The following SLC24A4 variants were observed in gnomAD, a reference collection of about 807,000 sequenced individuals.
SLC24A4 encodes the protein sodium/potassium/calcium exchanger 4.
Under a neutral mutation model 79.0 loss-of-function variants are expected in SLC24A4, and 53 were observed. The ratio of observed to expected loss-of-function variants is 0.67; its 90% confidence interval spans 0.54 to 0.84. The LOEUF (loss-of-function observed/expected upper bound fraction) is 0.84. SLC24A4 is among the 40% of genes least tolerant of loss of function. SLC24A4 has a pLI of 0.00. For synonymous variants in SLC24A4, 323 were observed against 323.8 expected (o/e 1.00, Z 0.03); for missense variants, 731 against 822.0 (o/e 0.89, Z 1.35).
chr14:92,352,072 C>A (rs1886927370), intron 2 of SLC24A4, among the ~76,000 whole-genome samples: 1 of 151,990 alleles, frequency 6.6e-6, no homozygotes, highest in South Asian at 2.1e-4. Context: ...CCATTTGAGC[C>A]CCTGCTGTTC....
chr14:92,441,302 A>G lies in SLC24A4; in HGVS notation c.394-787A>G, dbSNP rs1892476235. ...CTCCACGGTTTCTCCAAACATCCAA[A>G]GCCTCCAGCGCTGCATTTCGGATCA... is the stretch of plus-strand genomic sequence containing the variant. On this transcript the variant is annotated intron_variant, in intron 4 of 16. Coordinates refer to ENST00000532405, the MANE Select transcript of SLC24A4 (RefSeq NM_153646.4). This position sits in a 1 kb window ranked among gnomAD's most constrained non-coding sequence, Gnocchi z 4.6. Among the ~76,000 whole-genome samples, 1 of 152,160 alleles carries G rather than the reference A, an allele frequency of 6.6e-6. No individual in the cohort carries two copies. Among genetic ancestry groups the G allele is most frequent in the Admixed American group, 6.5e-5 (1 of 15,276 alleles).
At chr14:92,410,414 A>G (rs1205190586) in intron 2 of SLC24A4, among the ~76,000 whole-genome samples, 1 of 152,206 alleles carries the variant, frequency 6.6e-6, no homozygotes. Flanking sequence ...TTCTGGCTTC[A>G]GGCGATCCTC....
At chr14:92,489,204 G>A (rs962949868) in intron 14 of SLC24A4, among the ~76,000 whole-genome samples, 10 of 152,180 alleles carry the variant, frequency 6.6e-5, no homozygotes, top group Non-Finnish European at 1.3e-4. Flanking sequence ...TTGGGAGGTC[G>A]AGGTGGGCGG....
chr14:92,457,904 C>A (rs1893573723), intron 12 of SLC24A4, among the ~76,000 whole-genome samples: 1 of 152,240 alleles, frequency 6.6e-6, no homozygotes. Context: ...CTTGTCCCAT[C>A]TTGATGGGAA....
intron 2 of SLC24A4, among the ~76,000 whole-genome samples, chr14:92,378,446 T>G (rs185709823): frequency 2.8e-4 from 42 of 152,300 alleles, no homozygotes; most frequent in Non-Finnish European, 4.4e-4. Flanking sequence ...TTTCTGTTGT[T>G]GTCTCTTGTG....
rs753674653 is a variant in SLC24A4 at position 92,325,943 on chromosome 14, A to G, written c.206A>G (p.Asn69Ser). The G allele has an allele frequency of 7.4e-6, 12 of 1,612,838 alleles. No individual in the cohort carries two copies. The highest frequency in any genetic ancestry group is 1.0e-5 in the Non-Finnish European group (12 of 1,179,338). Residue 69 changes from asparagine (N) to serine (S), a missense_variant, in exon 2 of 17, where the codon AAT becomes AGT. Asn to Ser is a conservative substitution (Grantham distance 46). Transcript: ENST00000532405. ...AATAGAAAGTTGATGGCCCCAGTGA[A>G]TGGGACACAGACAGCCAAGAACTGC... ...WRNRKLMAPV[N>S]GTQTAKNCTD... is the part of the protein sequence containing the mutation.
At chr14:92,326,975 G>A (rs1349256669) in intron 2 of SLC24A4, among the ~76,000 whole-genome samples, 1 of 152,154 alleles carries the variant, frequency 6.6e-6, no homozygotes, top group East Asian at 1.9e-4. Context: ...GAGCAGGGTT[G>A]GATGGCAGTC....
chr14:92,461,117 C>T (rs1484792254), intron 12 of SLC24A4, among the ~76,000 whole-genome samples: 1 of 152,212 alleles, frequency 6.6e-6, no homozygotes, highest in Non-Finnish European at 1.5e-5. Context: ...TCTCCTGGTG[C>T]AGCTTGTTTG....
intron 2 of SLC24A4, among the ~76,000 whole-genome samples, chr14:92,407,809 T>C (rs1890473930): frequency 6.6e-6 from 1 of 151,630 alleles, no homozygotes; most frequent in South Asian, 2.1e-4. Flanking sequence ...GGGATACAAA[T>C]CCAAACCATA....
chr14:92,431,396 C>T (rs148949366), intron 2 of SLC24A4, among the ~76,000 whole-genome samples: 2 of 152,210 alleles, frequency 1.3e-5, no homozygotes, highest in Admixed American at 6.5e-5. Flanking sequence ...CTAAGTCCAT[C>T]GGCTGCTAGA....
chr14:92,487,139 C>T (rs1566805310), intron 14 of SLC24A4, among the ~76,000 whole-genome samples: 1 of 152,216 alleles, frequency 6.6e-6, no homozygotes, highest in African/African-American at 2.4e-5. Flanking sequence ...AGGCAAAGCA[C>T]TGGCATCCTA....
chr14:92,372,738 G>A (rs1888240494), intron 2 of SLC24A4, among the ~76,000 whole-genome samples: 1 of 152,054 alleles, frequency 6.6e-6, no homozygotes, highest in African/African-American at 2.4e-5. Flanking sequence ...CCTCAGCCTT[G>A]CTGAACTTGT....
chr14:92,330,260 C>G (rs1885393787), intron 2 of SLC24A4, among the ~76,000 whole-genome samples: 1 of 152,094 alleles, frequency 6.6e-6, no homozygotes, highest in African/African-American at 2.4e-5. Context: ...GAATGTTGAA[C>G]AAAAGCAATG....
intron 2 of SLC24A4, among the ~76,000 whole-genome samples, chr14:92,339,501 A>C (rs925214691): frequency 3.9e-5 from 6 of 152,204 alleles, no homozygotes; most frequent in Non-Finnish European, 8.8e-5. Flanking sequence ...TGAGTAAGGC[A>C]CAGAGAGGTT....
chr14:92,493,099 C>T (rs933301454), intron 16 of SLC24A4, among the ~76,000 whole-genome samples: 7 of 151,964 alleles, frequency 4.6e-5, no homozygotes, highest in East Asian at 1.9e-4. Context: ...CATGGTTCCA[C>T]GCTCTGAAGC....
chr14:92,460,212 C>A (rs1170033595), intron 12 of SLC24A4, among the ~76,000 whole-genome samples: 1 of 150,844 alleles, frequency 6.6e-6, no homozygotes, highest in Non-Finnish European at 1.5e-5. Context: ...TCAGTTCTGC[C>A]ACTCACCAGC....
chr14:92,446,834 T>G (rs532562172), intron 8 of SLC24A4, among the ~76,000 whole-genome samples: 1 of 152,304 alleles, frequency 6.6e-6, no homozygotes, highest in East Asian at 1.9e-4. Context: ...AGGGTAGTAA[T>G]GGTTGCATCC....
intron 10 of SLC24A4, chr14:92,451,583 C>T (rs1156334172): frequency 6.6e-6 from 1 of 152,218 alleles, no homozygotes; most frequent in Admixed American, 6.5e-5. Flanking sequence ...ACTCTCAGGC[C>T]CGATCGAGCT....
chr14:92,323,408 G>C lies in SLC24A4; in HGVS notation c.-423G>C, dbSNP rs1415507604. On this transcript the variant is annotated 5_prime_UTR_variant, in exon 1 of 17. Transcript: ENST00000532405. The surrounding 1 kb of genome is among the most constrained non-coding windows in gnomAD (Gnocchi z 4.9). ...GGAGGAGGATGCTGCGAGTGGGCGC[G>C]GCGGCGCGGGGCGCGGGGGCGCACT... The C allele has an allele frequency of 6.5e-6, 1 of 153,114 alleles. No individual in the cohort carries two copies. The highest frequency in any genetic ancestry group is 1.5e-5 in the Non-Finnish European group (1 of 68,452). 9.5% of individuals were successfully genotyped at this position (153,114 alleles called of 1,614,324 possible). A position where few individuals can be genotyped will look rare whatever the true frequency, so the allele number is the denominator to read the frequency against.
Sources: allele counts gnomAD v4.1 joint callset (sites outside exome capture counted in the v4.1 genomes callset), GRCh38; gene constraint gnomAD v4.1.1; non-coding constraint Gnocchi (gnomAD v3.1); transcripts MANE v1.5; gene names NCBI Gene and HGNC (gene_info 2026-07-23, HGNC 2026-07-21).